The following POPDC3 variants were observed in gnomAD, a reference collection of about 807,000 sequenced individuals.
The protein encoded by POPDC3 is popeye domain cAMP effector 3.
Under a neutral mutation model 28.2 loss-of-function variants are expected in POPDC3, and 20 were observed. The observed-to-expected ratio is 0.71, with a 90% confidence interval of 0.50 to 1.03. The LOEUF (loss-of-function observed/expected upper bound fraction) is 1.03. Among genes scored for constraint, POPDC3 ranks in the 50% least tolerant of loss-of-function variants. The probability of loss-of-function intolerance (pLI) is 0.00; values close to 1 mark genes in which losing one functional copy is unlikely to be tolerated. For missense variants in POPDC3, 316 were observed against 345.9 expected, an observed-to-expected ratio of 0.91 and a Z score of 0.69; for synonymous variants, 118 against 124.1, an observed-to-expected ratio of 0.95 and a Z score of 0.33.
chr6:105,159,261 G>A (rs1774268028), intron 3 of POPDC3, among the ~76,000 whole-genome samples: 1 of 152,180 alleles, frequency 6.6e-6, no homozygotes, highest in Non-Finnish European at 1.5e-5. Flanking sequence ...TGCCAGACGT[G>A]GCAGCAGAGT....
chr6:105,161,072 T>C (rs1340174268), intron 2 of POPDC3, among the ~76,000 whole-genome samples: 1 of 152,230 alleles, frequency 6.6e-6, no homozygotes, highest in Non-Finnish European at 1.5e-5. Context: ...AAAGAGTCTT[T>C]AAAATATTTT....
chr6:105,160,675 C>T (rs1373968847), intron 2 of POPDC3, among the ~76,000 whole-genome samples: 1 of 152,176 alleles, frequency 6.6e-6, no homozygotes, highest in African/African-American at 2.4e-5. Context: ...TCACTGCAAC[C>T]TCCGCCTCCC....
intron 2 of POPDC3, among the ~76,000 whole-genome samples, chr6:105,160,824 C>A (rs370593579): frequency 6.7e-4 from 102 of 152,104 alleles, no homozygotes; most frequent in African/African-American, 2.4e-3. Flanking sequence ...TGGTCTTGAA[C>A]TGCTGACCTC....
chr6:105,163,604 GA>G (rs1368684574), intron 1 of POPDC3: 1 of 152,026 alleles, frequency 6.6e-6, no homozygotes, highest in Non-Finnish European at 1.5e-5. Context: ...CCCCATAGGA[GA>G]AAAAATACAG....
intron 1 of POPDC3, among the ~76,000 whole-genome samples, chr6:105,167,878 T>G (rs1412844121): frequency 1.3e-5 from 2 of 152,152 alleles, no homozygotes; most frequent in African/African-American, 2.4e-5. Flanking sequence ...GTTCTTACTT[T>G]AAAAAAATGT....
At position 105,174,954 on chromosome 6, in the gene POPDC3, G is replaced by C. The variant is rs1774654242; in HGVS notation, c.-252+4879C>G. ...GAGGCTGAGGCTGGTGGATCACGAG[G>C]TCAGGAATTCGAGACTGGCCTGAGC... On this transcript the variant is annotated intron_variant, in intron 1 of 3. Transcript: ENST00000254765. 2.7e-5 allele frequency among the ~76,000 whole-genome samples: 4 copies of C among 150,832 alleles called. No individual in the cohort carries two copies. In the South Asian group the frequency reaches 8.4e-4, roughly 32 times the overall value.
chr6:105,178,315 T>A (rs1007468402), intron 1 of POPDC3, among the ~76,000 whole-genome samples: 1 of 152,246 alleles, frequency 6.6e-6, no homozygotes, highest in Non-Finnish European at 1.5e-5. Context: ...AGTGCTCTAG[T>A]GTGTCAACCG....
rs115439880 is a variant in POPDC3, at chr6:105,166,593, C to G, written c.-251-4433G>C. 2,153 of 471,214 alleles carry G rather than the reference C, an allele frequency of 4.6e-3. 46 individuals are homozygous for G. The highest frequency in any genetic ancestry group is 0.04 in the African/African-American group (2,015 of 50,148). 29.2% of individuals were successfully genotyped at this position (471,214 alleles called of 1,614,324 possible). A position where few individuals can be genotyped will look rare whatever the true frequency, so the allele number is the denominator to read the frequency against. On this transcript the variant is annotated intron_variant, in intron 1 of 3. Coordinates refer to ENST00000254765, the MANE Select transcript of POPDC3 (RefSeq NM_022361.5). ...CATGTGTTCTCACTTCCATCCTTTA[C>G]CTCGGTGAAAAGACGTTTTCCTTCC...
intron 1 of POPDC3, among the ~76,000 whole-genome samples, chr6:105,172,233 A>C (rs930062272): frequency 1.3e-5 from 2 of 151,386 alleles, no homozygotes; most frequent in African/African-American, 4.9e-5. Context: ...GGAGATGAAC[A>C]GACACTTCTC....
chr6:105,158,717 A>G lies in POPDC3; in HGVS notation c.629T>C (p.Val210Ala). ...TLTAETDCRY[V>A]SWRRKKLYLL... ...ATATAATTTCTTTCTCCTCCAAGAC[A>G]CATATCGACAATCAGTTTCTGCAGT... is the stretch of plus-strand genomic sequence containing the variant. The change falls in exon 4 of 4, where the codon GTG becomes GCG. Residue 210 changes from valine (V) to alanine (A), a missense_variant. By Grantham distance (64) the Val-to-Ala change is moderately conservative (BLOSUM62 0). Transcript: ENST00000254765. 1 of 1,613,550 alleles carries G rather than the reference A, an allele frequency of 6.2e-7. No individual in the cohort carries two copies.
chr6:105,164,443 A>G (rs1774416733), intron 1 of POPDC3, among the ~76,000 whole-genome samples: 1 of 152,158 alleles, frequency 6.6e-6, no homozygotes, highest in Admixed American at 6.6e-5. Context: ...CCATCTTTTT[A>G]TCCTTGATAC....
Position 105,158,362 on chromosome 6 carries a change from T to C in POPDC3, c.*108A>G. The stretch of plus-strand genomic sequence containing the variant: ...TTGGCAATGGCATCTCGCTTCTGAA[T>C]TTGATTTATAAAAACATTAGGGAGC... On this transcript the variant is annotated 3_prime_UTR_variant, in exon 4 of 4. Transcript: ENST00000254765. 1.1e-6 allele frequency: 1 copy of C among 932,306 alleles called. No individual in the cohort carries two copies. The highest frequency in any genetic ancestry group is 1.6e-6 in the Non-Finnish European group (1 of 640,824). 57.8% of individuals were successfully genotyped at this position (932,306 alleles called of 1,614,324 possible).
chr6:105,167,465 G>A (rs1353247338), intron 1 of POPDC3, among the ~76,000 whole-genome samples: 1 of 152,172 alleles, frequency 6.6e-6, no homozygotes, highest in Non-Finnish European at 1.5e-5. Flanking sequence ...GTAAAGAATA[G>A]GCTGGGCATG....
rs544991555 is a variant in POPDC3, at chr6:105,167,971, C to T, written c.-251-5811G>A. On this transcript the variant is annotated intron_variant, in intron 1 of 3. Transcript: ENST00000254765. ...GTAACAGAGAGAAGAAATGAAAAGA[C>T]TTGGCATGATGCTATGCAAACATTG... Among the ~76,000 whole-genome samples, 41 of 152,222 alleles carry T rather than the reference C, an allele frequency of 2.7e-4. 1 individual carries two copies. The highest frequency in any genetic ancestry group is 9.9e-4 in the African/African-American group (41 of 41,524).
At chr6:105,177,331 G>T (rs181354301) in intron 1 of POPDC3, among the ~76,000 whole-genome samples, 4,233 of 150,376 alleles carry the variant, frequency 0.028, 193 homozygotes, top group African/African-American at 0.098. Flanking sequence ...AAAGTGTGGG[G>T]TTTTTTTTTC....
At position 105,168,481 on chromosome 6, in the gene POPDC3, G is replaced by T. The variant is rs77140078; in HGVS notation, c.-251-6321C>A. ...GACAGGCTACACCGGACTTTTTTCTGTTCTCATGTTTCAGCTAACATCACA... is the reference window on the plus strand; with the variant it reads ...GACAGGCTACACCGGACTTTTTTCTTTTCTCATGTTTCAGCTAACATCACA... On this transcript the variant is annotated intron_variant, in intron 1 of 3. Transcript: ENST00000254765. 1.0e-3 allele frequency among the ~76,000 whole-genome samples: 157 copies of T among 152,212 alleles called. 4 individuals carry two copies. The East Asian group carries it at 0.027, about 27-fold the overall frequency.
chr6:105,158,806 A>G, intron 3 of POPDC3, 55 bp from the exon 4 acceptor site: 1 of 1,428,048 alleles, frequency 7.0e-7, no homozygotes, highest in Non-Finnish European at 9.5e-7. Flanking sequence ...AACTTCTGCC[A>G]CATTTTTAGT....
At chr6:105,160,349 T>C (rs868016221) in intron 2 of POPDC3, among the ~76,000 whole-genome samples, 20 of 151,430 alleles carry the variant, frequency 1.3e-4, no homozygotes, top group Middle Eastern at 3.5e-3. Context: ...GTAGCTGGGA[T>C]TACAAGCGTG....
rs916158839 is a variant in POPDC3, at chr6:105,166,619, G to T, written c.-251-4459C>A. The T allele has an allele frequency of 1.7e-5, 8 of 470,818 alleles. No individual in the cohort carries two copies. The Admixed American group carries it at 1.9e-4, about 11-fold the overall frequency. The allele number at this position is 470,818 out of a possible 1,614,324, so 29.2% of individuals were successfully genotyped here. On this transcript the variant is annotated intron_variant, in intron 1 of 3. Transcript: ENST00000254765. Reference sequence around the variant, plus strand: ...CTCGGTGAAAAGACGTTTTCCTTCCGTACACTCATCAGTCCAAGAGGGATG... The same window carrying T: ...CTCGGTGAAAAGACGTTTTCCTTCCTTACACTCATCAGTCCAAGAGGGATG...
Sources: gnomAD v4.1 joint callset for allele counts (sites outside exome capture counted in the v4.1 genomes callset) on GRCh38, gnomAD v4.1.1 for gene constraint, MANE v1.5 for transcripts, NCBI Gene and HGNC (gene_info 2026-07-23, HGNC 2026-07-21) for gene names.